PSMA1: variants seen among roughly 807,000 people sequenced by gnomAD.
The protein encoded by PSMA1 is proteasome 20S subunit alpha 1.
In PSMA1, 3 loss-of-function variants were observed where a neutral mutation model predicts 38.4. That is an observed-to-expected ratio of 0.08 (90% CI 0.04 to 0.20). PSMA1 has a LOEUF of 0.20. Ranked by LOEUF, PSMA1 falls within the 10% of genes least tolerant of loss-of-function variation. PSMA1 has a pLI of 1.00. For synonymous variants in PSMA1, 101 were observed against 107.1 expected, an observed-to-expected ratio of 0.94 and a Z score of 0.35; for missense variants, 227 against 325.3, an observed-to-expected ratio of 0.70 and a Z score of 2.32.
chr11:14,575,029 T>G (rs564013050), intron 2 of PSMA1, among the ~76,000 whole-genome samples: 1 of 152,292 alleles, frequency 6.6e-6, no homozygotes, highest in South Asian at 2.1e-4. Flanking sequence ...GTTGAAGGGC[T>G]TTGACCAAAA....
chr11:14,621,063 A>T (rs749118585), intron 1 of PSMA1, among the ~76,000 whole-genome samples: 1 of 152,136 alleles, frequency 6.6e-6, no homozygotes, highest in South Asian at 2.1e-4. Flanking sequence ...TAGCTGTTAC[A>T]TTGACCTATG....
chr11:14,576,908 G>A (rs903064197), intron 2 of PSMA1, among the ~76,000 whole-genome samples: 96 of 152,060 alleles, frequency 6.3e-4, no homozygotes, highest in Non-Finnish European at 9.7e-4. Flanking sequence ...CTTCCTATCC[G>A]TGAGCATGGA....
intron 2 of PSMA1, among the ~76,000 whole-genome samples, chr11:14,578,794 T>C (rs1284745032): frequency 1.3e-5 from 2 of 152,202 alleles, no homozygotes; most frequent in Admixed American, 6.5e-5. Context: ...GAGATTCTGA[T>C]AGAGGCCCAG....
upstream of PSMA1, among the ~76,000 whole-genome samples, chr11:14,520,997 T>C (rs879553841): frequency 6.6e-6 from 1 of 152,204 alleles, no homozygotes; most frequent in Admixed American, 6.6e-5. Flanking sequence ...GACTTTGAAC[T>C]CCATGAGGGC....
At chr11:14,585,577 T>C (rs1186094687) in intron 2 of PSMA1, among the ~76,000 whole-genome samples, 1 of 152,196 alleles carries the variant, frequency 6.6e-6, no homozygotes, top group African/African-American at 2.4e-5. Flanking sequence ...GCTAAACCTC[T>C]CTTGCCTCTT....
intron 2 of PSMA1, among the ~76,000 whole-genome samples, chr11:14,602,929 C>T (rs1021421852): frequency 8.5e-5 from 13 of 152,054 alleles, no homozygotes; most frequent in African/African-American, 2.4e-4. Context: ...CATGGCTGTG[C>T]GGGGAGACAT....
In PSMA1 at chr11:14,520,318, G is replaced by C. The variant is rs755995369; in HGVS notation, c.-19C>G. On this transcript the variant is annotated 5_prime_UTR_variant, in exon 1 of 10. Transcript: ENST00000396394. ...GTACCATGGTGGCGGCGCGGGCCTG[G>C]TTGCGGCCTCCAGCAAAACTGAGAA... 3.7e-6 allele frequency: 6 copies of C among 1,614,176 alleles called. No individual in the cohort carries two copies. In the South Asian group the frequency reaches 5.5e-5, roughly 15 times the overall value.
chr11:14,511,380 A>T (rs968078711), intron 7 of PSMA1, among the ~76,000 whole-genome samples: 1 of 152,220 alleles, frequency 6.6e-6, no homozygotes, highest in Non-Finnish European at 1.5e-5. Context: ...CCCAATATAG[A>T]TGCAAAAACA....
chr11:14,643,609 C>G (rs879753033), exon 1 of PSMA1: 1 of 150,180 alleles, frequency 6.7e-6, no homozygotes, highest in Non-Finnish European at 1.5e-5. Flanking sequence ...GGCGTGGTCC[C>G]GGCTCGCGTC....
chr11:14,522,387 ATAGAAG>A (rs542169535), upstream of PSMA1, among the ~76,000 whole-genome samples: 711 of 152,328 alleles, frequency 4.7e-3, 5 homozygotes, highest in Non-Finnish European at 7.7e-3. Context: ...TGAAGAATTC[ATAGAAG>A]TAGAATTGTG....
intron 4 of PSMA1, 96 bp downstream of exon 4, chr11:14,517,546 G>T (rs557796310): frequency 2.0e-6 from 2 of 997,662 alleles, no homozygotes; most frequent in Non-Finnish European, 2.9e-6. Flanking sequence ...AAGAACTTTG[G>T]CAGACAACTT....
Position 14,534,669 on chromosome 11 carries a change from C to T in PSMA1, c.22-15628G>A, listed in dbSNP as rs1181077042. Among the ~76,000 whole-genome samples, 1 of 151,796 alleles carries T rather than the reference C, an allele frequency of 6.6e-6. No homozygotes were observed. The highest frequency in any genetic ancestry group is 1.5e-5 in the Non-Finnish European group (1 of 67,976). On this transcript the variant is annotated intron_variant, in intron 2 of 10. Transcript: ENST00000418988. This position sits in a 1 kb window ranked among gnomAD's most constrained non-coding sequence, Gnocchi z 4.5. ...TTTAATTACTGTGTTTTTTCCCTTT[C>T]AATACTATCCATCTGGAGAAGGGAG... is the stretch of plus-strand genomic sequence containing the variant.
chr11:14,541,252 T>C (rs1342924891), intron 2 of PSMA1, among the ~76,000 whole-genome samples: 3 of 152,230 alleles, frequency 2.0e-5, no homozygotes, highest in African/African-American at 7.2e-5. Context: ...CCTATGCTAA[T>C]AAGAAGTCTT....
intron 1 of PSMA1, among the ~76,000 whole-genome samples, chr11:14,625,996 C>A (rs1852905164): frequency 6.6e-6 from 1 of 152,078 alleles, no homozygotes; most frequent in South Asian, 2.1e-4. Context: ...ATGTAGTATA[C>A]AATGTTGACT....
chr11:14,555,785 C>T (rs1313879474), intron 2 of PSMA1, among the ~76,000 whole-genome samples: 1 of 152,164 alleles, frequency 6.6e-6, no homozygotes, highest in African/African-American at 2.4e-5. Context: ...ATTATTAGGC[C>T]TAAGAAAATA....
chr11:14,536,203 TC>T (rs1366951413), intron 2 of PSMA1, among the ~76,000 whole-genome samples: 1 of 152,162 alleles, frequency 6.6e-6, no homozygotes, highest in Non-Finnish European at 1.5e-5. Flanking sequence ...TTATTACTAA[TC>T]CCGGCCAATG....
upstream of PSMA1, among the ~76,000 whole-genome samples, chr11:14,523,009 C>T (rs1453490344): frequency 6.6e-6 from 1 of 152,188 alleles, no homozygotes; most frequent in Non-Finnish European, 1.5e-5. Context: ...AGATCTATCA[C>T]TCCAAACCTG....
At chr11:14,588,666 G>GATGCTAAC (rs1232641862) in intron 2 of PSMA1, among the ~76,000 whole-genome samples, 1 of 152,142 alleles carries the variant, frequency 6.6e-6, no homozygotes, top group African/African-American at 2.4e-5. Context: ...TTTAGCATAC[G>GATGCTAAC]AGTGTCTCAT....
chr11:14,536,384 G>A (rs955153806), intron 2 of PSMA1, among the ~76,000 whole-genome samples: 3 of 151,712 alleles, frequency 2.0e-5, no homozygotes, highest in Admixed American at 6.6e-5. Context: ...AACATTAGCC[G>A]GGCTTGGTGG....
Sources: allele counts gnomAD v4.1 joint callset (sites outside exome capture counted in the v4.1 genomes callset), GRCh38; gene constraint gnomAD v4.1.1; non-coding constraint Gnocchi (gnomAD v3.1); transcripts MANE v1.5; gene names NCBI Gene and HGNC (gene_info 2026-07-23, HGNC 2026-07-21).